RBFOX1: variants seen among roughly 807,000 people sequenced by gnomAD.
RBFOX1 encodes RNA binding protein fox-1 homolog 1.
In RBFOX1, 8 loss-of-function variants were observed where a neutral mutation model predicts 57.7. The ratio of observed to expected loss-of-function variants is 0.14; its 90% CI spans 0.08 to 0.25. The LOEUF is 0.25. RBFOX1 is among the 10% of genes least tolerant of loss of function. The pLI is 1.00. For missense variants in RBFOX1, 611 were observed against 548.5 expected (o/e 1.11, Z -1.14); for synonymous variants, 326 against 222.4 (o/e 1.47, Z -4.15).
At chr16:5,439,039 G>C (rs529276322) in intron 1 of RBFOX1, among the ~76,000 whole-genome samples, 2 of 149,810 alleles carry the variant, frequency 1.3e-5, no homozygotes, top group African/African-American at 2.4e-5. Context: ...TAATGGGGGG[G>C]GGGGCATAGT....
chr16:6,170,741 C>A (rs535116988), intron 1 of RBFOX1, among the ~76,000 whole-genome samples: 39 of 152,198 alleles, frequency 2.6e-4, no homozygotes, highest in African/African-American at 7.5e-4. Context: ...TCTCTCCCTC[C>A]TCCCACCCTC....
At chr16:7,702,589 T>C (rs1020234046) in intron 14 of RBFOX1, among the ~76,000 whole-genome samples, 1 of 152,242 alleles carries the variant, frequency 6.6e-6, no homozygotes, top group South Asian at 2.1e-4. Flanking sequence ...AAGCAGTAGC[T>C]GGGGCAGTGC....
At chr16:6,024,728 G>T (rs190547372) in intron 1 of RBFOX1, among the ~76,000 whole-genome samples, 4 of 152,074 alleles carry the variant, frequency 2.6e-5, no homozygotes, top group East Asian at 1.9e-4. Context: ...TGATCCACCC[G>T]CCTCCTCGGC....
intron 5 of RBFOX1, among the ~76,000 whole-genome samples, chr16:7,531,665 G>A (rs2080107391): frequency 6.6e-6 from 1 of 152,170 alleles, no homozygotes; most frequent in Non-Finnish European, 1.5e-5. Context: ...TTACGGATGA[G>A]GGAACTGAGG....
At chr16:7,093,806 C>G (rs2061256747) in intron 4 of RBFOX1, among the ~76,000 whole-genome samples, 1 of 152,070 alleles carries the variant, frequency 6.6e-6, no homozygotes, top group Non-Finnish European at 1.5e-5. Flanking sequence ...TGTTTACATG[C>G]ACATTTCCTC....
intron 1 of RBFOX1, among the ~76,000 whole-genome samples, chr16:6,069,092 C>A (rs1190194717): frequency 1.3e-5 from 2 of 151,606 alleles, no homozygotes; most frequent in East Asian, 3.9e-4. Flanking sequence ...AAGGAAGGAG[C>A]GAGGGAAGAG....
chr16:5,559,614 C>A (rs1280473075), intron 2 of RBFOX1, among the ~76,000 whole-genome samples: 1 of 152,212 alleles, frequency 6.6e-6, no homozygotes, highest in Non-Finnish European at 1.5e-5. Flanking sequence ...GGCGCCCCTC[C>A]ACCTGGGACC....
intron 4 of RBFOX1, among the ~76,000 whole-genome samples, chr16:7,310,934 T>C (rs1282755031): frequency 6.6e-6 from 1 of 152,226 alleles, no homozygotes; most frequent in Non-Finnish European, 1.5e-5. Flanking sequence ...GAACCATGCA[T>C]GCAGTACAAC....
At chr16:6,627,851 C>T (rs548501369) in intron 2 of RBFOX1, among the ~76,000 whole-genome samples, 2 of 152,260 alleles carry the variant, frequency 1.3e-5, no homozygotes, top group South Asian at 2.1e-4. Flanking sequence ...TGTCTCAGTA[C>T]AAAAGGAGAA....
At chr16:5,376,696 T>G (rs549911977) in intron 1 of RBFOX1, among the ~76,000 whole-genome samples, 1 of 147,310 alleles carries the variant, frequency 6.8e-6, no homozygotes, top group South Asian at 2.1e-4. Context: ...CTTGTCCCCT[T>G]GGAACTCATC....
At position 6,210,352 on chromosome 16, in the gene RBFOX1, AAAAAAC is replaced by A. The variant is rs1477147140; in HGVS notation, c.-126-106641_-126-106636del. ...AACAAAAAAACAAAAAAACAAAAAA[AAAAAAC>A]ACCAAAAAAAAAAAAAAAAAGAGAA... On this transcript the variant is annotated intron_variant, in intron 1 of 15. Coordinates refer to ENST00000550418, the MANE Select transcript of RBFOX1 (RefSeq NM_018723.4). 2.0e-4 allele frequency among the ~76,000 whole-genome samples: 19 copies of A among 96,438 alleles called. 1 individual carries two copies. The highest frequency in any genetic ancestry group is 3.6e-4 in the Non-Finnish European group (15 of 41,116). 63.3% of individuals were successfully genotyped at this position (96,438 alleles called of 152,430 possible).
intron 3 of RBFOX1, among the ~76,000 whole-genome samples, chr16:5,760,328 A>C (rs1451971850): frequency 1.3e-5 from 2 of 152,086 alleles, no homozygotes; most frequent in African/African-American, 4.8e-5. Context: ...CAGTTTGATA[A>C]ACCAGAAAAT....
At chr16:5,543,923 A>G (rs546156781) in intron 2 of RBFOX1, among the ~76,000 whole-genome samples, 2 of 152,334 alleles carry the variant, frequency 1.3e-5, no homozygotes, top group African/African-American at 2.4e-5. Flanking sequence ...GTGCAAAAAG[A>G]AAGTCCAAAC....
intron 11 of RBFOX1, among the ~76,000 whole-genome samples, chr16:7,635,813 TA>T (rs1419241556): frequency 3.9e-5 from 6 of 152,094 alleles, no homozygotes; most frequent in South Asian, 2.1e-4. Context: ...TTTATTTATT[TA>T]TTTTTTTATT....
At chr16:7,163,583 C>G (rs1449449061) in intron 4 of RBFOX1, among the ~76,000 whole-genome samples, 2 of 152,052 alleles carry the variant, frequency 1.3e-5, no homozygotes, top group African/African-American at 2.4e-5. Context: ...CTTTCATCAT[C>G]TCAGTTTCTA....
intron 2 of RBFOX1, among the ~76,000 whole-genome samples, chr16:6,644,145 G>A (rs1228534736): frequency 6.6e-6 from 1 of 152,060 alleles, no homozygotes; most frequent in Non-Finnish European, 1.5e-5. Flanking sequence ...AGTGTAGGTT[G>A]CATAAAATCA....
At chr16:5,710,591 G>A (rs545655701) in intron 3 of RBFOX1, among the ~76,000 whole-genome samples, 10 of 152,310 alleles carry the variant, frequency 6.6e-5, no homozygotes, top group South Asian at 2.1e-4. Flanking sequence ...TAAGGCTCAC[G>A]TCCTGTGATT....
chr16:5,452,649 CT>C (rs886561170), intron 1 of RBFOX1, among the ~76,000 whole-genome samples: 119 of 144,418 alleles, frequency 8.2e-4, no homozygotes, highest in Admixed American at 6.2e-4. Context: ...TAAACCTTGA[CT>C]TTTTTTTTTT....
chr16:7,263,956 A>G (rs2095031617), intron 4 of RBFOX1, among the ~76,000 whole-genome samples: 1 of 151,234 alleles, frequency 6.6e-6, no homozygotes, highest in Non-Finnish European at 1.5e-5. Flanking sequence ...GGAAGGAGTG[A>G]TACAACTGAA....
Sources: allele counts gnomAD v4.1 joint callset (sites outside exome capture counted in the v4.1 genomes callset), GRCh38; gene constraint gnomAD v4.1.1; transcripts MANE v1.5; gene names NCBI Gene and HGNC (gene_info 2026-07-23, HGNC 2026-07-21).